The following SORCS2 variants were observed in gnomAD, a reference collection of about 807,000 sequenced individuals.
SORCS2 encodes VPS10 domain-containing receptor SorCS2.
Under a neutral mutation model 141.6 loss-of-function variants are expected in SORCS2, and 100 were observed. That is an observed-to-expected ratio of 0.71 (90% CI 0.60 to 0.83). The LOEUF is 0.83. Ranked by LOEUF, SORCS2 falls within the 40% of genes least tolerant of loss-of-function variation. The probability of loss-of-function intolerance (pLI) is 0.00; values close to 1 mark genes in which losing one functional copy is unlikely to be tolerated. For synonymous variants in SORCS2, 789 were observed against 676.9 expected, an observed-to-expected ratio of 1.17 and a Z score of -2.57; for missense variants, 1,646 against 1,560.2, an observed-to-expected ratio of 1.05 and a Z score of -0.93.
intron 1 of SORCS2, among the ~76,000 whole-genome samples, chr4:7,210,025 C>CCCCA (rs922574683): frequency 1.3e-5 from 2 of 152,298 alleles, no homozygotes; most frequent in Middle Eastern, 3.4e-3. Context: ...GACTTGGGGG[C>CCCCA]CCCAGGGCAA....
chr4:7,465,059 T>A (rs140910180), intron 2 of SORCS2, among the ~76,000 whole-genome samples: 4,315 of 152,332 alleles, frequency 0.028, 108 homozygotes, highest in Non-Finnish European at 0.04. Context: ...AGCACCCCCC[T>A]TGCAGGGTTT....
At chr4:7,574,556 G>GGGGGAAGGAGGAAGAGA (rs1216358007) in intron 3 of SORCS2, among the ~76,000 whole-genome samples, 1 of 151,922 alleles carries the variant, frequency 6.6e-6, no homozygotes, top group Non-Finnish European at 1.5e-5. Flanking sequence ...GAGAGAGACA[G>GGGGGAAGGAGGAAGAGA]GGGGAAGGAG....
At chr4:7,413,506 G>C (rs1402814462) in intron 2 of SORCS2, among the ~76,000 whole-genome samples, 3 of 144,228 alleles carry the variant, frequency 2.1e-5, no homozygotes, top group East Asian at 2.3e-4. Context: ...TGATTCCCCT[G>C]CCTCAGCCTT....
chr4:7,734,619 C>T (rs1402019567), intron 25 of SORCS2, among the ~76,000 whole-genome samples: 2 of 152,206 alleles, frequency 1.3e-5, no homozygotes, highest in African/African-American at 2.4e-5. Context: ...CTCCTCCACT[C>T]TCCCCAGGAC....
chr4:7,723,628 T>G, intron 18 of SORCS2, 69 bp from the exon 19 acceptor site: 1 of 1,539,558 alleles, frequency 6.5e-7, no homozygotes, highest in Admixed American at 1.7e-5. Context: ...AGTGAGTGAG[T>G]GAATGAACCA....
intron 14 of SORCS2, among the ~76,000 whole-genome samples, chr4:7,706,707 G>T (rs1462363825): frequency 2.8e-5 from 4 of 143,266 alleles, no homozygotes; most frequent in African/African-American, 8.0e-5. Flanking sequence ...GCTGGGCTCT[G>T]CCTGGACAGA....
At chr4:7,598,973 T>C (rs1024296733) in intron 3 of SORCS2, among the ~76,000 whole-genome samples, 2 of 152,212 alleles carry the variant, frequency 1.3e-5, no homozygotes, top group Non-Finnish European at 2.9e-5. Context: ...ACGGTGCCGA[T>C]GCCCTTGCAG....
chr4:7,591,717 G>A (rs928962419), intron 3 of SORCS2, among the ~76,000 whole-genome samples: 25 of 152,164 alleles, frequency 1.6e-4, no homozygotes, highest in East Asian at 9.7e-4. Context: ...CATCGCCCCC[G>A]TAGAGCCCGG....
At chr4:7,252,856 T>C (rs557763217) in intron 1 of SORCS2, among the ~76,000 whole-genome samples, 2 of 152,372 alleles carry the variant, frequency 1.3e-5, no homozygotes, top group South Asian at 4.1e-4. Flanking sequence ...CCAAAATCAT[T>C]ATTGCATTCC....
chr4:7,356,246 T>G (rs1319960995), intron 1 of SORCS2, among the ~76,000 whole-genome samples: 3 of 152,374 alleles, frequency 2.0e-5, no homozygotes, highest in Admixed American at 2.0e-4. Context: ...AGTATGCATT[T>G]TGCTGCCTTA....
At chr4:7,724,484 T>TAG (rs1726927075) in intron 19 of SORCS2, among the ~76,000 whole-genome samples, 1 of 55,982 alleles carries the variant, frequency 1.8e-5, no homozygotes, top group Non-Finnish European at 4.0e-5. Flanking sequence ...ATGGTGGTGA[T>TAG]GGTGGTGGTG....
chr4:7,537,516 TAGAG>T (rs140010061), intron 3 of SORCS2, among the ~76,000 whole-genome samples: 3 of 152,018 alleles, frequency 2.0e-5, no homozygotes, highest in Middle Eastern at 3.2e-3. Context: ...TGCTTGGTGC[TAGAG>T]AGAGAGAGCC....
At chr4:7,492,928 A>G (rs1447385212) in intron 2 of SORCS2, among the ~76,000 whole-genome samples, 1 of 152,208 alleles carries the variant, frequency 6.6e-6, no homozygotes, top group East Asian at 1.9e-4. Context: ...CCACTGCAAC[A>G]TAAGAGCCCC....
chr4:7,433,560 G>A (rs754543563), intron 2 of SORCS2: 48 of 1,611,458 alleles, frequency 3.0e-5, no homozygotes, highest in Non-Finnish European at 3.5e-5. Flanking sequence ...GGGTGACGAA[G>A]TGCTTGCACT....
intron 3 of SORCS2, among the ~76,000 whole-genome samples, chr4:7,578,699 G>A (rs191535226): frequency 2.1e-4 from 32 of 152,284 alleles, no homozygotes; most frequent in African/African-American, 7.7e-4. Flanking sequence ...TTCATGACAG[G>A]CTTGTTCCCA....
At chr4:7,473,215 T>C (rs1730086667) in intron 2 of SORCS2, among the ~76,000 whole-genome samples, 1 of 152,320 alleles carries the variant, frequency 6.6e-6, no homozygotes, top group East Asian at 1.9e-4. Flanking sequence ...AAATATGTGT[T>C]TGCCAAGTTG....
At chr4:7,654,644 C>T (rs1170615805) in intron 5 of SORCS2, among the ~76,000 whole-genome samples, 1 of 152,180 alleles carries the variant, frequency 6.6e-6, no homozygotes, top group Admixed American at 6.5e-5. Flanking sequence ...CCCTGACTGA[C>T]AGACCCCGTG....
At chr4:7,488,861 A>G (rs1376360488) in intron 2 of SORCS2, among the ~76,000 whole-genome samples, 2 of 152,238 alleles carry the variant, frequency 1.3e-5, no homozygotes, top group Non-Finnish European at 2.9e-5. Context: ...TTCATAAATG[A>G]GCCTGGTTTA....
chr4:7,198,604 C>T (rs1032216160), intron 1 of SORCS2, among the ~76,000 whole-genome samples: 2 of 152,110 alleles, frequency 1.3e-5, no homozygotes, highest in Non-Finnish European at 2.9e-5. Context: ...GCATCTCTGT[C>T]GTGATAGCTC....
Sources: allele counts gnomAD v4.1 joint callset (sites outside exome capture counted in the v4.1 genomes callset), GRCh38; gene constraint gnomAD v4.1.1; transcripts MANE v1.5; gene names NCBI Gene and HGNC (gene_info 2026-07-23, HGNC 2026-07-21).